Variants in TAFA2 observed in about 807,000 individuals in gnomAD.
TAFA2 encodes chemokine-like protein TAFA-2.
TAFA2 carries 7 observed loss-of-function variants against 18.8 expected under a neutral mutation model. The ratio of observed to expected loss-of-function variants is 0.37; its 90% CI spans 0.21 to 0.70. TAFA2 has a LOEUF of 0.70. TAFA2 is among the 30% of genes least tolerant of loss of function. The pLI is 0.53. For synonymous variants in TAFA2, 60 were observed against 54.2 expected (o/e 1.11, Z -0.47); for missense variants, 122 against 158.1 (o/e 0.77, Z 1.23).
intron 1 of TAFA2, among the ~76,000 whole-genome samples, chr12:62,078,969 T>C (rs1456749320): frequency 6.6e-6 from 1 of 152,212 alleles, no homozygotes; most frequent in South Asian, 2.1e-4. Flanking sequence ...TGGAGATCCA[T>C]GTAGTTCAGC....
At chr12:61,984,622 A>AT (rs1565705558) in intron 1 of TAFA2, among the ~76,000 whole-genome samples, 1 of 152,100 alleles carries the variant, frequency 6.6e-6, no homozygotes, top group African/African-American at 2.4e-5. Context: ...TCTAAAGAAC[A>AT]TTTTCCATTA....
At chr12:61,799,688 G>A (rs547740039) in intron 2 of TAFA2, among the ~76,000 whole-genome samples, 92 of 152,200 alleles carry the variant, frequency 6.0e-4, no homozygotes, top group African/African-American at 2.1e-3. Context: ...CGGGCGTGGT[G>A]GCTGGCGCCT....
At chr12:62,068,666 C>T (rs1469595202) in intron 1 of TAFA2, among the ~76,000 whole-genome samples, 1 of 151,968 alleles carries the variant, frequency 6.6e-6, no homozygotes, top group African/African-American at 2.4e-5. Context: ...TCAAAATTTA[C>T]AAATATAATT....
intron 1 of TAFA2, among the ~76,000 whole-genome samples, chr12:61,972,914 T>C (rs1179531300): frequency 6.6e-6 from 1 of 151,652 alleles, no homozygotes; most frequent in Non-Finnish European, 1.5e-5. Flanking sequence ...CCACAAAAAC[T>C]GGTGATCTAA....
chr12:62,127,432 C>T (rs1357825626), intron 1 of TAFA2, among the ~76,000 whole-genome samples: 1 of 151,984 alleles, frequency 6.6e-6, no homozygotes, highest in Non-Finnish European at 1.5e-5. Flanking sequence ...GTTATATACA[C>T]TCATTTTCAG....
chr12:62,202,805 A>T (rs572742736), intron 1 of TAFA2, among the ~76,000 whole-genome samples: 2 of 131,160 alleles, frequency 1.5e-5, no homozygotes, highest in Non-Finnish European at 1.6e-5. Flanking sequence ...TTCAATTTAC[A>T]TGTAGCTGTG....
intron 2 of TAFA2, among the ~76,000 whole-genome samples, chr12:61,813,965 T>C (rs1871975823): frequency 6.6e-6 from 1 of 151,490 alleles, no homozygotes; most frequent in South Asian, 2.1e-4. Context: ...AATCCAGGCC[T>C]TGTGCTAAAT....
intron 1 of TAFA2, among the ~76,000 whole-genome samples, chr12:62,190,381 A>G (rs1411382400): frequency 6.6e-6 from 1 of 152,224 alleles, no homozygotes; most frequent in Admixed American, 6.5e-5. Flanking sequence ...GAAGATCAGT[A>G]GCCTCAAGAA....
chr12:62,207,915 T>G (rs1250260733), intron 1 of TAFA2, among the ~76,000 whole-genome samples: 1 of 152,132 alleles, frequency 6.6e-6, no homozygotes, highest in African/African-American at 2.4e-5. Context: ...TCAGGTAACT[T>G]CGGCACTGGG....
At chr12:61,740,649 TA>T (rs1176875098) in intron 4 of TAFA2, among the ~76,000 whole-genome samples, 1 of 151,952 alleles carries the variant, frequency 6.6e-6, no homozygotes, top group East Asian at 1.9e-4. Context: ...AATACTCATG[TA>T]AAAAAACTCA....
At chr12:62,063,661 C>T (rs1374610389) in intron 1 of TAFA2, among the ~76,000 whole-genome samples, 2 of 152,124 alleles carry the variant, frequency 1.3e-5, no homozygotes, top group Non-Finnish European at 2.9e-5. Flanking sequence ...ATAGAAAATT[C>T]TGTGTTATCC....
At chr12:61,916,803 A>G (rs1449481643) in intron 1 of TAFA2, among the ~76,000 whole-genome samples, 1 of 152,220 alleles carries the variant, frequency 6.6e-6, no homozygotes, top group African/African-American at 2.4e-5. Flanking sequence ...AATCACAGTG[A>G]AAATATCAAA....
chr12:61,744,110 T>G (rs1388838165), intron 4 of TAFA2, among the ~76,000 whole-genome samples: 1 of 152,108 alleles, frequency 6.6e-6, no homozygotes, highest in East Asian at 1.9e-4. Flanking sequence ...CTGACAGAAT[T>G]TTATCTATCA....
intron 2 of TAFA2, among the ~76,000 whole-genome samples, chr12:61,767,131 A>C (rs1041563945): frequency 6.6e-6 from 1 of 152,142 alleles, no homozygotes; most frequent in African/African-American, 2.4e-5. Context: ...ATATTATAGA[A>C]GAAACTTATG....
At chr12:62,147,201 A>G in intron 1 of TAFA2, among the ~76,000 whole-genome samples, 1 of 150,318 alleles carries the variant, frequency 6.7e-6, no homozygotes, top group East Asian at 2.0e-4. Context: ...AAGTCCTCAA[A>G]CTATAAAAGT....
At chr12:61,759,985 C>A (rs951414551) in intron 2 of TAFA2, among the ~76,000 whole-genome samples, 2 of 150,304 alleles carry the variant, frequency 1.3e-5, no homozygotes, top group Non-Finnish European at 3.0e-5. Context: ...CTTCAGAGAG[C>A]ATGATGCTAG....
chr12:62,127,322 C>T (rs1318073570), intron 1 of TAFA2, among the ~76,000 whole-genome samples: 1 of 152,032 alleles, frequency 6.6e-6, no homozygotes, highest in Non-Finnish European at 1.5e-5. Flanking sequence ...CCATCATTCC[C>T]TACCCACTCC....
At chr12:61,740,423 G>A (rs1031211425) in intron 4 of TAFA2, among the ~76,000 whole-genome samples, 1 of 151,502 alleles carries the variant, frequency 6.6e-6, no homozygotes, top group African/African-American at 2.4e-5. Flanking sequence ...CGTGGCACGT[G>A]TATACCTATG....
intron 1 of TAFA2, among the ~76,000 whole-genome samples, chr12:62,078,795 G>A (rs1868276652): frequency 6.6e-6 from 1 of 151,840 alleles, no homozygotes; most frequent in South Asian, 2.1e-4. Context: ...TTGGCGTGAT[G>A]TTAATTTCTA....
Sources: gnomAD v4.1 joint callset for allele counts (sites outside exome capture counted in the v4.1 genomes callset) on GRCh38, gnomAD v4.1.1 for gene constraint, MANE v1.5 for transcripts, NCBI Gene and HGNC (gene_info 2026-07-23, HGNC 2026-07-21) for gene names.